MPRIP: variants seen among roughly 807,000 people sequenced by gnomAD.
MPRIP encodes myosin phosphatase Rho-interacting protein.
MPRIP carries 59 observed loss-of-function variants against 234.9 expected under a neutral mutation model. The ratio of observed to expected loss-of-function variants is 0.25; its 90% CI spans 0.20 to 0.31. The LOEUF is 0.31. Among genes scored for constraint, MPRIP ranks in the 10% least tolerant of loss-of-function variants. The pLI, the probability that MPRIP is intolerant of heterozygous loss-of-function variation, is 1.00. For synonymous variants in MPRIP, 1,144 were observed against 1,263.9 expected (o/e 0.91, Z 2.01); for missense variants, 2,436 against 3,071.0 (o/e 0.79, Z 4.89).
chr17:17,146,311 T>G (rs1246835771), intron 10 of MPRIP, among the ~76,000 whole-genome samples: 1 of 152,242 alleles, frequency 6.6e-6, no homozygotes, highest in Non-Finnish European at 1.5e-5. Context: ...GGAGGGGCAC[T>G]CGGTAGGCCT....
chr17:17,102,806 G>A (rs2089989760), intron 3 of MPRIP, among the ~76,000 whole-genome samples: 1 of 152,258 alleles, frequency 6.6e-6, no homozygotes, highest in Admixed American at 6.5e-5. Context: ...GGAAACATCT[G>A]AAAGGTTAGG....
chr17:17,129,418 G>A (rs1481750692), intron 4 of MPRIP, among the ~76,000 whole-genome samples: 1 of 152,132 alleles, frequency 6.6e-6, no homozygotes, highest in Non-Finnish European at 1.5e-5. Flanking sequence ...TAACACATCT[G>A]GATGATGTTA....
chr17:17,172,294 C>T (rs1362840280), intron 17 of MPRIP, among the ~76,000 whole-genome samples: 2 of 152,274 alleles, frequency 1.3e-5, no homozygotes, highest in Non-Finnish European at 2.9e-5. Context: ...ACGTCCCCTC[C>T]GCCTTGTGCT....
chr17:17,071,152 TG>T (rs1284861553), intron 1 of MPRIP, among the ~76,000 whole-genome samples: 1 of 152,162 alleles, frequency 6.6e-6, no homozygotes, highest in African/African-American at 2.4e-5. Context: ...GGCCGGGGTG[TG>T]GGGCACCTCA....
At chr17:17,152,828 A>G (rs1400150206) in intron 12 of MPRIP, among the ~76,000 whole-genome samples, 1 of 152,224 alleles carries the variant, frequency 6.6e-6, no homozygotes, top group African/African-American at 2.4e-5. Context: ...AAGGAGCAGC[A>G]CCTGGGAGGA....
chr17:17,181,066 G>C (rs1223069094), intron 23 of MPRIP, among the ~76,000 whole-genome samples: 1 of 152,248 alleles, frequency 6.6e-6, no homozygotes, highest in Non-Finnish European at 1.5e-5. Context: ...GAGCCACTTA[G>C]TGGCCTCTGT....
chr17:17,093,075 AT>A (rs2089757240), intron 3 of MPRIP, among the ~76,000 whole-genome samples: 1 of 152,192 alleles, frequency 6.6e-6, no homozygotes, highest in Non-Finnish European at 1.5e-5. Flanking sequence ...TGAATTTTGG[AT>A]AAACGGGTGG....
At chr17:17,105,196 T>G (rs2090039696) in intron 3 of MPRIP, among the ~76,000 whole-genome samples, 1 of 152,214 alleles carries the variant, frequency 6.6e-6, no homozygotes, top group East Asian at 1.9e-4. Context: ...CACTGCCTGC[T>G]GTCCCACAGC....
chr17:17,144,441 G>A (rs940501582), intron 9 of MPRIP, among the ~76,000 whole-genome samples: 1 of 152,194 alleles, frequency 6.6e-6, no homozygotes, highest in Non-Finnish European at 1.5e-5. Flanking sequence ...AGCTGGGAGC[G>A]CCTTCCCCAA....
chr17:17,061,446 C>T (rs991117647), intron 1 of MPRIP, among the ~76,000 whole-genome samples: 4 of 152,180 alleles, frequency 2.6e-5, no homozygotes, highest in African/African-American at 9.7e-5. Context: ...AAGAAAAGGG[C>T]AAGAATCAAC....
chr17:17,064,271 G>A (rs1175967637), intron 1 of MPRIP, among the ~76,000 whole-genome samples: 2 of 150,178 alleles, frequency 1.3e-5, no homozygotes, highest in African/African-American at 2.5e-5. Flanking sequence ...GCGCAATCTC[G>A]GCTCACTGCA....
intron 5 of MPRIP, among the ~76,000 whole-genome samples, chr17:17,135,490 T>TA (rs1298573036): frequency 6.6e-6 from 1 of 152,250 alleles, no homozygotes; most frequent in Non-Finnish European, 1.5e-5. Context: ...CTGTCTGCTA[T>TA]AATAAAATAC....
At chr17:17,046,428 A>G (rs958213679) in intron 1 of MPRIP, among the ~76,000 whole-genome samples, 2 of 152,236 alleles carry the variant, frequency 1.3e-5, no homozygotes, top group African/African-American at 4.8e-5. Context: ...ACCTATAAAT[A>G]GAATGGCTGG....
At chr17:17,172,472 G>A (rs2046160644) in intron 17 of MPRIP, among the ~76,000 whole-genome samples, 2 of 152,164 alleles carry the variant, frequency 1.3e-5, no homozygotes, top group Non-Finnish European at 1.5e-5. Context: ...AAAGCCAAAC[G>A]TGCATTCCTT....
chr17:17,046,832 G>A (rs1293251288), intron 1 of MPRIP, among the ~76,000 whole-genome samples: 4 of 152,208 alleles, frequency 2.6e-5, no homozygotes, highest in East Asian at 1.9e-4. Flanking sequence ...AAAGGCAGCC[G>A]TAGACAACAC....
chr17:17,111,047 A>G (rs1052842199), intron 3 of MPRIP, among the ~76,000 whole-genome samples: 3 of 151,980 alleles, frequency 2.0e-5, no homozygotes, highest in African/African-American at 4.8e-5. Context: ...ATAACAGGGT[A>G]AACTGGGTGA....
chr17:17,109,532 G>C (rs2090128253), intron 3 of MPRIP, among the ~76,000 whole-genome samples: 1 of 152,238 alleles, frequency 6.6e-6, no homozygotes, highest in African/African-American at 2.4e-5. Flanking sequence ...GTGTTTAGTT[G>C]ATAGAGACTT....
At chr17:17,157,161 T>C (rs1282409439) in intron 13 of MPRIP, among the ~76,000 whole-genome samples, 1 of 152,192 alleles carries the variant, frequency 6.6e-6, no homozygotes, top group Non-Finnish European at 1.5e-5. Context: ...CCCAGCCTCC[T>C]TGACAAATTG....
chr17:17,068,019 G>C (rs1414988769), intron 1 of MPRIP, among the ~76,000 whole-genome samples: 2 of 151,830 alleles, frequency 1.3e-5, no homozygotes. Context: ...TGGTAGAATT[G>C]TATTAGTATT....
Sources: allele counts gnomAD v4.1 joint callset (sites outside exome capture counted in the v4.1 genomes callset), GRCh38; gene constraint gnomAD v4.1.1; transcripts MANE v1.5; gene names NCBI Gene and HGNC (gene_info 2026-07-23, HGNC 2026-07-21).